NEXN: variants seen among roughly 807,000 people sequenced by gnomAD.
NEXN encodes the protein nexilin F-actin binding protein, also known as nexilin.
NEXN carries 65 observed loss-of-function variants against 92.6 expected under a neutral mutation model. The ratio of observed to expected loss-of-function variants is 0.70; its 90% CI spans 0.57 to 0.86. The LOEUF (loss-of-function observed/expected upper bound fraction) is 0.86, where lower values mean the gene tolerates loss of function less well. Among genes scored for constraint, NEXN ranks in the 40% least tolerant of loss-of-function variants. The pLI is 0.00. For synonymous variants in NEXN, 254 were observed against 242.5 expected (o/e 1.05, Z -0.44); for missense variants, 778 against 771.1 (o/e 1.01, Z -0.11).
intron 1 of NEXN, among the ~76,000 whole-genome samples, chr1:77,901,548 T>C (rs981663904): frequency 2.0e-5 from 3 of 152,198 alleles, no homozygotes; most frequent in Non-Finnish European, 2.9e-5. Flanking sequence ...TCTCATCTTA[T>C]TCTTCATAAG....
intron 1 of NEXN, among the ~76,000 whole-genome samples, chr1:77,897,008 G>A (rs1025902878): frequency 2.0e-5 from 3 of 152,146 alleles, no homozygotes; most frequent in Non-Finnish European, 2.9e-5. Context: ...TGAAGTTGTG[G>A]CAATAATCAA....
rs1342442796 is a variant in NEXN at position 77,936,022 on chromosome 1, G to T, written c.1451G>T (p.Arg484Leu). 1 of 1,613,138 alleles carries T rather than the reference G, an allele frequency of 6.2e-7. No homozygotes were observed. The highest frequency in any genetic ancestry group is 8.5e-7 in the Non-Finnish European group (1 of 1,179,538). Residue 484 changes from arginine (R) to leucine (L), a missense_variant, in exon 11 of 13, where the codon CGA becomes CTA. Physicochemically the swap from Arg to Leu is moderately radical, Grantham distance 102. Around this residue, in one of 3 missense-constraint regions of NEXN, gnomAD observed 532 missense variants for 476.7 expected, o/e 1.12. Transcript: ENST00000334785. ...GCAATTGACCTTGAAATTAAAGAGC[G>T]AGAAGCTGAAAATTTTCATGAGGTA... ...RRAIDLEIKE[R>L]EAENFHEEDD...
At chr1:77,916,473 A>T (rs1313788913) in intron 2 of NEXN, among the ~76,000 whole-genome samples, 1 of 152,166 alleles carries the variant, frequency 6.6e-6, no homozygotes, top group Non-Finnish European at 1.5e-5. Flanking sequence ...TTTGACCTAT[A>T]CTCATAGGAG....
At chr1:77,939,162 G>A (rs1209747726) in intron 11 of NEXN, among the ~76,000 whole-genome samples, 1 of 152,168 alleles carries the variant, frequency 6.6e-6, no homozygotes, top group Non-Finnish European at 1.5e-5. Flanking sequence ...AGGGTTATAG[G>A]TTGCTTTTTG....
intron 1 of NEXN, among the ~76,000 whole-genome samples, chr1:77,889,864 C>T (rs1252004418): frequency 6.6e-6 from 1 of 152,182 alleles, no homozygotes; most frequent in Non-Finnish European, 1.5e-5. Context: ...CACAACATAA[C>T]TATGTCTTAG....
At chr1:77,904,990 A>G (rs1335511438) in intron 1 of NEXN, among the ~76,000 whole-genome samples, 4 of 152,224 alleles carry the variant, frequency 2.6e-5, no homozygotes, top group African/African-American at 9.6e-5. Context: ...TGGGCCAGGC[A>G]TGGTGGCTCA....
intron 11 of NEXN, among the ~76,000 whole-genome samples, chr1:77,936,566 T>C (rs1650787744): frequency 6.6e-6 from 1 of 152,230 alleles, no homozygotes; most frequent in Non-Finnish European, 1.5e-5. Flanking sequence ...TTGCTCAAAG[T>C]TACAGTAGTA....
intron 9 of NEXN, among the ~76,000 whole-genome samples, chr1:77,931,446 C>CGG (rs989008840): frequency 7.3e-5 from 10 of 136,598 alleles, no homozygotes; most frequent in Non-Finnish European, 1.2e-4. Context: ...AAAAAAGAAG[C>CGG]GGTAGAAGAG....
At chr1:77,942,433 C>T (rs372239034) in intron 12 of NEXN, 28 bp from the exon 13 acceptor site, 56 of 1,600,136 alleles carry the variant, frequency 3.5e-5, no homozygotes, top group Non-Finnish European at 4.7e-5. Context: ...CTATAAATGC[C>T]AACCTGAATG....
intron 1 of NEXN, among the ~76,000 whole-genome samples, chr1:77,898,721 G>A (rs900271250): frequency 2.6e-5 from 4 of 152,110 alleles, no homozygotes; most frequent in Admixed American, 2.0e-4. Context: ...AGAGTGAATA[G>A]GCAACCTACA....
At chr1:77,898,302 C>A (rs2102040475) in intron 1 of NEXN, among the ~76,000 whole-genome samples, 1 of 152,222 alleles carries the variant, frequency 6.6e-6, no homozygotes, top group East Asian at 1.9e-4. Flanking sequence ...GGTACTGGTA[C>A]CAAAACAGAG....
intron 1 of NEXN, among the ~76,000 whole-genome samples, chr1:77,905,065 C>T (rs1648009143): frequency 6.6e-6 from 1 of 150,856 alleles, no homozygotes; most frequent in Non-Finnish European, 1.5e-5. Context: ...AGATAGAGAC[C>T]ATCCTTGCCA....
chr1:77,917,664 G>A lies in NEXN; in HGVS notation c.126G>A (p.Arg42=). The change falls in exon 3 of 13, where the codon AGG becomes AGA. Residue 42 remains arginine, a synonymous_variant. Transcript: ENST00000334785. ...AGTTTGAAGCCATGCAGAGAGCCAGGGAAGAAAGAAATCAAAGGAGATCTA... is the reference window on the plus strand; with the variant it reads ...AGTTTGAAGCCATGCAGAGAGCCAGAGAAGAAAGAAATCAAAGGAGATCTA... ...KDKFEAMQRA[R]EERNQRRSRD... is the part of the protein sequence containing the mutation. 2 of 1,612,308 alleles carry A rather than the reference G, an allele frequency of 1.2e-6. No individual in the cohort carries two copies. The highest frequency in any genetic ancestry group is 1.7e-6 in the Non-Finnish European group (2 of 1,179,182).
At position 77,929,522 on chromosome 1, in the gene NEXN, T is replaced by G. The variant is rs1187033241; in HGVS notation, c.1053+18T>G. The G allele has an allele frequency of 3.1e-6, 5 of 1,611,512 alleles. No homozygotes were observed. The highest frequency in any genetic ancestry group is 4.2e-6 in the Non-Finnish European group (5 of 1,179,614). The stretch of plus-strand genomic sequence containing the variant: ...GAAATATGGTAAGACAGAAGCTAAC[T>G]GGAGAATGCTATTAGAATTCACCTT... On this transcript the variant is annotated intron_variant, in intron 9 of 12. Coordinates refer to ENST00000334785, the MANE Select transcript of NEXN (RefSeq NM_144573.4).
chr1:77,923,615 C>CATTAG (rs1423519725), intron 5 of NEXN, among the ~76,000 whole-genome samples: 4 of 151,184 alleles, frequency 2.6e-5, no homozygotes, highest in Non-Finnish European at 5.9e-5. Context: ...AAGAAGAGTA[C>CATTAG]ATTAGTCTTC....
chr1:77,939,380 A>C (rs1278208268), intron 11 of NEXN, among the ~76,000 whole-genome samples: 1 of 152,224 alleles, frequency 6.6e-6, no homozygotes, highest in African/African-American at 2.4e-5. Context: ...GGAAAGTACA[A>C]GTAGATAAAG....
intron 1 of NEXN, among the ~76,000 whole-genome samples, chr1:77,915,185 T>C (rs554687186): frequency 6.6e-6 from 1 of 151,816 alleles, no homozygotes; most frequent in East Asian, 1.9e-4. Flanking sequence ...TAGTGCTGCA[T>C]GCCTGTAGTC....
Position 77,918,055 on chromosome 1 carries a change from G to A in NEXN, c.298+17G>A, listed in dbSNP as rs748368259. On this transcript the variant is annotated intron_variant, in intron 4 of 12. Transcript: ENST00000334785. Reference sequence around the variant, plus strand: ...AATTAACAGGTAAGAAGCTTGAGGGGTAAATAGTAAATTAAATTGCAAAAT... The same window carrying A: ...AATTAACAGGTAAGAAGCTTGAGGGATAAATAGTAAATTAAATTGCAAAAT... 2.7e-5 allele frequency: 43 copies of A among 1,612,162 alleles called. 2 individuals carry two copies. In the South Asian group the frequency reaches 4.4e-4, roughly 16 times the overall value.
In NEXN at chr1:77,926,775, A is replaced by G. The variant is rs750361500; in HGVS notation, c.747A>G (p.Leu249=). ...KESLSPGKLK[L]TFEELERQRQ... ...CACTTTCTCCCGGAAAATTGAAACT[A>G]ACTTTTGAAGAACTGGAGCGACAAA... Residue 249 remains leucine (L), a synonymous_variant, in exon 8 of 13, where the codon CTA becomes CTG. Transcript: ENST00000334785. 6.2e-7 allele frequency: 1 copy of G among 1,613,908 alleles called. No homozygotes were observed. Among genetic ancestry groups the G allele is most frequent in the Non-Finnish European group, 8.5e-7 (1 of 1,179,976 alleles).
Sources: gnomAD v4.1 joint callset for allele counts (sites outside exome capture counted in the v4.1 genomes callset) on GRCh38, gnomAD v4.1.1 for gene constraint, gnomAD v4.1.1 regional missense constraint, MANE v1.5 for transcripts, NCBI Gene and HGNC (gene_info 2026-07-23, HGNC 2026-07-21) for gene names.